Variants in NAP1L4 observed in about 807,000 individuals in gnomAD.
NAP1L4 encodes the protein nucleosome assembly protein 1 like 4, also known as nucleosome assembly protein 1-like 4.
Under a neutral mutation model 58.2 loss-of-function variants are expected in NAP1L4, and 15 were observed. The ratio of observed to expected loss-of-function variants is 0.26; its 90% CI spans 0.17 to 0.40. NAP1L4 has a LOEUF of 0.40. NAP1L4 is among the 10% of genes least tolerant of loss of function. NAP1L4 has a pLI of 1.00. For synonymous variants in NAP1L4, 171 were observed against 155.6 expected (o/e 1.10, Z -0.74); for missense variants, 384 against 451.1 (o/e 0.85, Z 1.35).
rs141589664 is a variant in NAP1L4 at position 2,946,986 on chromosome 11, T to A, written c.*33-1340A>T. 2.0e-3 allele frequency among the ~76,000 whole-genome samples: 298 copies of A among 152,230 alleles called. No individual in the cohort carries two copies. Among genetic ancestry groups the A allele is most frequent in the African/African-American group, 7.1e-3 (293 of 41,526 alleles). ...AGGGACTCGCCTAGAAAATGGGATG[T>A]CAGTAAAGGAGCTGTGCAGGGACGG... is the stretch of plus-strand genomic sequence containing the variant. On this transcript the variant is annotated intron_variant, in intron 15 of 15. Transcript: ENST00000380542. This position sits in a 1 kb window ranked among gnomAD's most constrained non-coding sequence, Gnocchi z 4.8.
At chr11:2,962,595 A>C (rs1474680060) in intron 8 of NAP1L4, among the ~76,000 whole-genome samples, 1 of 152,238 alleles carries the variant, frequency 6.6e-6, no homozygotes, top group Non-Finnish European at 1.5e-5. Context: ...TACTTTTAGA[A>C]GACAGATTTG....
At position 2,959,279 on chromosome 11, in the gene NAP1L4, G is replaced by C. The variant is rs1846722483; in HGVS notation, c.746+491C>G. Among the ~76,000 whole-genome samples, 1 of 152,206 alleles carries C rather than the reference G, an allele frequency of 6.6e-6. No homozygotes were observed. The highest frequency in any genetic ancestry group is 6.5e-5 in the Admixed American group (1 of 15,290). ...CATTTCTCAGTCAACCCAACCTGGAGAAATTAATTCTAAACCAAATTCTCT... is the reference window on the plus strand; with the variant it reads ...CATTTCTCAGTCAACCCAACCTGGACAAATTAATTCTAAACCAAATTCTCT... On this transcript the variant is annotated intron_variant, in intron 9 of 15. Coordinates refer to ENST00000380542, the MANE Select transcript of NAP1L4 (RefSeq NM_005969.4). The surrounding 1 kb of genome is among the most constrained non-coding windows in gnomAD (Gnocchi z 4.9).
chr11:2,949,164 A>ATGC lies in NAP1L4; in HGVS notation c.*32+60_*32+62dup. 7.7e-7 allele frequency: 1 copy of ATGC among 1,293,360 alleles called. No homozygotes were observed. Among genetic ancestry groups the ATGC allele is most frequent in the Admixed American group, 1.9e-5 (1 of 53,672 alleles). 80.1% of individuals were successfully genotyped at this position (1,293,360 alleles called of 1,614,324 possible). ...TCCCTCTTTATTCAAAGTCAAAACA[A>ATGC]TGCATTGTATAAAGTATAGATCAGA... On this transcript the variant is annotated intron_variant, in intron 15 of 15. Transcript: ENST00000380542. This position sits in a 1 kb window ranked among gnomAD's most constrained non-coding sequence, Gnocchi z 4.0.
rs1362482856 is a variant in NAP1L4, at chr11:2,951,243, C to T, written c.1122+16G>A. On this transcript the variant is annotated intron_variant, in intron 14 of 15. Coordinates refer to ENST00000380542, the MANE Select transcript of NAP1L4 (RefSeq NM_005969.4). This position sits in a 1 kb window ranked among gnomAD's most constrained non-coding sequence, Gnocchi z 4.0. ...CAGCATAATAAGTAGGTCTGGGTGG[C>T]CCCAAAGTTACCAACCTTGGGGTTA... 7 of 1,611,824 alleles carry T rather than the reference C, an allele frequency of 4.3e-6. No homozygotes were observed. Among genetic ancestry groups the T allele is most frequent in the East Asian group, 2.2e-5 (1 of 44,850 alleles).
intron 1 of NAP1L4, chr11:2,990,525 T>C (rs1207644255): frequency 1.3e-5 from 2 of 152,262 alleles, no homozygotes; most frequent in East Asian, 3.8e-4. Flanking sequence ...TTCTGTGGAA[T>C]AAGAGAATTT....
rs767092728 is a variant in NAP1L4 at position 2,969,948 on chromosome 11, G to T, written c.403-14C>A. On this transcript the variant is annotated splice_polypyrimidine_tract_variant and intron_variant, in intron 6 of 15. Transcript: ENST00000380542. The stretch of plus-strand genomic sequence containing the variant: ...TTTCATGTCTCCCTAAAAAAAAGAT[G>T]CAACATAGGTAACGAAAATAAAAGT... 1 of 1,602,866 alleles carries T rather than the reference G, an allele frequency of 6.2e-7. No individual in the cohort carries two copies. The highest frequency in any genetic ancestry group is 1.4e-5 in the African/African-American group (1 of 74,026).
intron 8 of NAP1L4, chr11:2,963,802 C>T (rs1015317161): frequency 1.2e-5 from 6 of 519,162 alleles, no homozygotes; most frequent in Non-Finnish European, 2.3e-5. Flanking sequence ...CTGAAAGCCA[C>T]CAGTCAGTCA....
At chr11:2,986,366 C>G (rs890775881) in intron 1 of NAP1L4, among the ~76,000 whole-genome samples, 1 of 129,958 alleles carries the variant, frequency 7.7e-6, no homozygotes, top group African/African-American at 2.9e-5. Flanking sequence ...AGAGCCAGAC[C>G]CTGTCTCAAA....
At chr11:2,991,126 G>A (rs1008210196) in intron 1 of NAP1L4, 7 of 456,296 alleles carry the variant, frequency 1.5e-5, no homozygotes, top group Non-Finnish European at 3.1e-5. Context: ...CTTCCTGCCA[G>A]AGGAGCGCAC....
At chr11:2,990,341 A>G (rs1848886937) in intron 1 of NAP1L4, 1 of 152,222 alleles carries the variant, frequency 6.6e-6, no homozygotes. Flanking sequence ...CTACTACTAA[A>G]TAACTAATTT....
At chr11:2,979,549 G>C (rs988393816) in intron 1 of NAP1L4, among the ~76,000 whole-genome samples, 2 of 152,064 alleles carry the variant, frequency 1.3e-5, no homozygotes, top group Non-Finnish European at 2.9e-5. Flanking sequence ...GAGGTGGGTG[G>C]GTCACTTGAG....
intron 4 of NAP1L4, among the ~76,000 whole-genome samples, chr11:2,975,053 G>A (rs1847866059): frequency 1.3e-5 from 2 of 151,794 alleles, no homozygotes; most frequent in Non-Finnish European, 2.9e-5. Context: ...TAATAGCCCT[G>A]GCAGTCCTGA....
chr11:2,979,152 T>C, intron 2 of NAP1L4, 55 bp downstream of exon 2: 1 of 1,556,244 alleles, frequency 6.4e-7, no homozygotes, highest in Non-Finnish European at 8.8e-7. Flanking sequence ...ATGGCTTGGC[T>C]GTTGCTCACC....
At chr11:2,974,503 C>T (rs1395382723) in intron 4 of NAP1L4, among the ~76,000 whole-genome samples, 1 of 152,168 alleles carries the variant, frequency 6.6e-6, no homozygotes, top group Non-Finnish European at 1.5e-5. Context: ...CAGTATCACC[C>T]CATCCCATCA....
chr11:2,986,297 C>G (rs1222623602), intron 1 of NAP1L4, among the ~76,000 whole-genome samples: 2 of 151,310 alleles, frequency 1.3e-5, no homozygotes, highest in Non-Finnish European at 2.9e-5. Context: ...CTGCTTGAAC[C>G]TGGGGGGCGG....
Position 2,948,787 on chromosome 11 carries a change from A to G in NAP1L4, c.*32+440T>C, listed in dbSNP as rs1846071310. 6.6e-6 allele frequency among the ~76,000 whole-genome samples: 1 copy of G among 152,202 alleles called. No homozygotes were observed. The highest frequency in any genetic ancestry group is 2.1e-4 in the South Asian group (1 of 4,834). ...AAACATGAATTCAAAAAGTATAGAT[A>G]TTCAACAGACACGTGTTGGTAATGA... On this transcript the variant is annotated intron_variant, in intron 15 of 15. Transcript: ENST00000380542. This position sits in a 1 kb window ranked among gnomAD's most constrained non-coding sequence, Gnocchi z 5.1.
Position 2,949,330 on chromosome 11 carries a change from C to G in NAP1L4, c.1123-66G>C. On this transcript the variant is annotated intron_variant, in intron 14 of 15. Transcript: ENST00000380542. The surrounding 1 kb of genome is among the most constrained non-coding windows in gnomAD (Gnocchi z 4.0). ...AGAAAATGAAATGCACAAAATTATACAGGAGGAAACGGCCACAATTTCTCA... is the reference window on the plus strand; with the variant it reads ...AGAAAATGAAATGCACAAAATTATAGAGGAGGAAACGGCCACAATTTCTCA... 7.5e-7 allele frequency: 1 copy of G among 1,339,566 alleles called. No homozygotes were observed. Among genetic ancestry groups the G allele is most frequent in the Non-Finnish European group, 1.1e-6 (1 of 931,852 alleles). The allele number at this position is 1,339,566 out of a possible 1,614,324, so 83.0% of individuals were successfully genotyped here. A position where few individuals can be genotyped will look rare whatever the true frequency, so the allele number is the denominator to read the frequency against.
At position 2,951,327 on chromosome 11, in the gene NAP1L4, AAGTG is replaced by A. The variant is rs773253667; in HGVS notation, c.1066-16_1066-13del. On this transcript the variant is annotated splice_polypyrimidine_tract_variant and intron_variant, in intron 13 of 15. Transcript: ENST00000380542. The surrounding 1 kb of genome is among the most constrained non-coding windows in gnomAD (Gnocchi z 4.0). ...TCACCTTCTAATTCCTGTATTTAAA[AAGTG>A]AGAATTAGCTGGAATGACAAGATTT... 6.2e-7 allele frequency: 1 copy of A among 1,612,446 alleles called. No homozygotes were observed. The highest frequency in any genetic ancestry group is 8.5e-7 in the Non-Finnish European group (1 of 1,178,546).
intron 1 of NAP1L4, chr11:2,991,762 A>C (rs1191013165): frequency 6.6e-6 from 1 of 152,290 alleles, no homozygotes. Context: ...AAATTCCTAA[A>C]CATCTAATAA....
Sources: gnomAD v4.1 joint callset for allele counts (sites outside exome capture counted in the v4.1 genomes callset) on GRCh38, gnomAD v4.1.1 for gene constraint, Gnocchi (gnomAD v3.1) non-coding constraint, MANE v1.5 for transcripts, NCBI Gene and HGNC (gene_info 2026-07-23, HGNC 2026-07-21) for gene names.